The following WDR49 variants were observed in gnomAD, a reference collection of about 807,000 sequenced individuals.
WDR49 encodes the protein WD repeat domain 49.
In WDR49, 107 loss-of-function variants were observed where a neutral mutation model predicts 119.5. The observed-to-expected ratio is 0.90, with a 90% CI of 0.77 to 1.05. The LOEUF is 1.05. Among genes scored for constraint, WDR49 ranks in the 50% least tolerant of loss-of-function variants. WDR49 has a pLI of 0.00. For missense variants in WDR49, 1,240 were observed against 1,220.5 expected, an observed-to-expected ratio of 1.02 and a Z score of -0.24; for synonymous variants, 425 against 418.8, an observed-to-expected ratio of 1.01 and a Z score of -0.18.
rs764388186 is a variant in WDR49 at position 167,536,714 on chromosome 3, T to TAC, written c.1954+155_1954+156insGT. ...ATATATATATATATATACACACACA[T>TAC]ATATATATATATATATATACACACA... On this transcript the variant is annotated intron_variant, in intron 11 of 18. Transcript: ENST00000682715. Among the ~76,000 whole-genome samples, 8 of 103,628 alleles carry TAC rather than the reference T, an allele frequency of 7.7e-5. No homozygotes were observed. The East Asian group carries it at 2.0e-3, about 25-fold the overall frequency. The allele number at this position is 103,628 out of a possible 152,430, so 68.0% of individuals were successfully genotyped here.
chr3:167,534,754 A>G (rs1469479506), intron 11 of WDR49, among the ~76,000 whole-genome samples: 1 of 152,212 alleles, frequency 6.6e-6, no homozygotes, highest in Non-Finnish European at 1.5e-5. Flanking sequence ...CAGAAATGAT[A>G]CAACAATTTT....
intron 8 of WDR49, among the ~76,000 whole-genome samples, chr3:167,560,939 A>T (rs1261007766): frequency 6.6e-6 from 1 of 152,204 alleles, no homozygotes; most frequent in Admixed American, 6.5e-5. Flanking sequence ...TTTCAGCTCA[A>T]GATATTTAAG....
At chr3:167,640,304 C>G (rs773102678) in intron 2 of WDR49, among the ~76,000 whole-genome samples, 3 of 151,844 alleles carry the variant, frequency 2.0e-5, no homozygotes, top group Non-Finnish European at 2.9e-5. Flanking sequence ...CTATTGACTC[C>G]TTTTCATCAG....
At position 167,522,479 on chromosome 3, in the gene WDR49, C is replaced by T; in HGVS notation, c.2610G>A (p.Lys870=). Reference sequence around the variant, plus strand: ...AAAGGCAGTTTTCAATATGCCAGTGCTTTGCCTGAAAAAAACGAAAACATC... The same window carrying T: ...AAAGGCAGTTTTCAATATGCCAGTGTTTTGCCTGAAAAAAACGAAAACATC... ...NAPVWIFGQA[K]HWHIENCLFL... is the part of the protein sequence containing the mutation. The change falls in exon 16 of 19, where the codon AAG becomes AAA. Residue 870 remains lysine (K), a synonymous_variant. Transcript: ENST00000682715. 1 of 1,584,564 alleles carries T rather than the reference C, an allele frequency of 6.3e-7. No homozygotes were observed. Among genetic ancestry groups the T allele is most frequent in the Admixed American group, 2.0e-5 (1 of 49,704 alleles).
intron 3 of WDR49, among the ~76,000 whole-genome samples, chr3:167,624,118 C>T (rs1172842019): frequency 6.6e-6 from 1 of 151,802 alleles, no homozygotes; most frequent in Non-Finnish European, 1.5e-5. Flanking sequence ...AGCAAACCAG[C>T]ACATGAAACT....
intron 16 of WDR49, among the ~76,000 whole-genome samples, chr3:167,506,124 A>T (rs891553211): frequency 2.0e-5 from 3 of 152,204 alleles, no homozygotes; most frequent in African/African-American, 7.2e-5. Context: ...AAAATCGTGG[A>T]GAGTCCTGGG....
At chr3:167,574,763 A>AT (rs1714144087) in intron 8 of WDR49, among the ~76,000 whole-genome samples, 4 of 152,290 alleles carry the variant, frequency 2.6e-5, no homozygotes, top group Admixed American at 2.6e-4. Context: ...CAAATTTAGC[A>AT]TTTTAACTTT....
intron 11 of WDR49, among the ~76,000 whole-genome samples, 184 bp downstream of exon 11, chr3:167,536,686 C>CATAT (rs368084455): frequency 0.022 from 2,891 of 132,510 alleles, 60 homozygotes; most frequent in African/African-American, 0.058. Flanking sequence ...TCTCAAAATA[C>CATAT]ATATATATAT....
At chr3:167,645,944 G>A (rs1006107816) in intron 2 of WDR49, among the ~76,000 whole-genome samples, 3 of 152,268 alleles carry the variant, frequency 2.0e-5, no homozygotes, top group Admixed American at 6.5e-5. Context: ...CGCTAATCCC[G>A]CCTGCATGGT....
chr3:167,570,632 C>T (rs1336940024), intron 8 of WDR49, among the ~76,000 whole-genome samples: 4 of 152,120 alleles, frequency 2.6e-5, no homozygotes, highest in Non-Finnish European at 5.9e-5. Context: ...TAACTTTGTA[C>T]AGATGCTATA....
chr3:167,585,412 G>A (rs1577256480), intron 7 of WDR49, among the ~76,000 whole-genome samples: 1 of 151,572 alleles, frequency 6.6e-6, no homozygotes, highest in South Asian at 2.1e-4. Context: ...GTGTGTGTGT[G>A]TGTGTGTGTG....
At chr3:167,498,698 C>T (rs1751449520) in intron 18 of WDR49, among the ~76,000 whole-genome samples, 2 of 152,020 alleles carry the variant, frequency 1.3e-5, no homozygotes, top group South Asian at 4.2e-4. Context: ...AGGCAATAGC[C>T]TGTTTAGGTG....
chr3:167,482,286 T>C (rs2108187628), intron 18 of WDR49, among the ~76,000 whole-genome samples: 1 of 152,226 alleles, frequency 6.6e-6, no homozygotes, highest in South Asian at 2.1e-4. Flanking sequence ...ATTCAAGTTG[T>C]CCTTCAAATC....
At chr3:167,593,133 T>C (rs1715227381) in intron 7 of WDR49, among the ~76,000 whole-genome samples, 1 of 152,136 alleles carries the variant, frequency 6.6e-6, no homozygotes, top group Non-Finnish European at 1.5e-5. Context: ...TATTTGGACA[T>C]TGATATGTTT....
At chr3:167,622,533 C>T (rs180688946) in intron 3 of WDR49, among the ~76,000 whole-genome samples, 2 of 152,214 alleles carry the variant, frequency 1.3e-5, no homozygotes, top group African/African-American at 4.8e-5. Flanking sequence ...AGATTTACAT[C>T]TGCCATTTTT....
chr3:167,579,253 A>G (rs1234473354), intron 7 of WDR49, among the ~76,000 whole-genome samples: 1 of 152,142 alleles, frequency 6.6e-6, no homozygotes, highest in East Asian at 1.9e-4. Flanking sequence ...GTAGTGTTCA[A>G]TAAATATTTT....
At chr3:167,653,106 A>G (rs1007535068) in intron 2 of WDR49, among the ~76,000 whole-genome samples, 155 bp downstream of exon 2, 2 of 152,230 alleles carry the variant, frequency 1.3e-5, no homozygotes, top group African/African-American at 4.8e-5. Flanking sequence ...TACCAAGCAC[A>G]TTGTGTTAAA....
At chr3:167,578,040 G>C (rs1002496478) in intron 7 of WDR49, among the ~76,000 whole-genome samples, 2 of 152,120 alleles carry the variant, frequency 1.3e-5, no homozygotes, top group Admixed American at 6.6e-5. Flanking sequence ...TTCAGCCAAA[G>C]AAATCTTCTT....
intron 5 of WDR49, 47 bp downstream of exon 5, chr3:167,620,382 C>A: frequency 6.9e-7 from 1 of 1,459,172 alleles, no homozygotes. Context: ...TATAAATGTA[C>A]AAGTCAGAGG....
Sources: allele counts gnomAD v4.1 joint callset (sites outside exome capture counted in the v4.1 genomes callset), GRCh38; gene constraint gnomAD v4.1.1; transcripts MANE v1.5; gene names NCBI Gene and HGNC (gene_info 2026-07-23, HGNC 2026-07-21).